The following ACTR3C variants were observed in gnomAD, a reference collection of about 807,000 sequenced individuals.
The protein encoded by ACTR3C is actin-related protein 3C.
A neutral mutation model predicts 26.3 loss-of-function variants in ACTR3C; 18 were observed. That is an observed-to-expected ratio of 0.68 (90% CI 0.47 to 1.01). ACTR3C has a LOEUF of 1.01. Among genes scored for constraint, ACTR3C ranks in the 50% least tolerant of loss-of-function variants. ACTR3C has a pLI of 0.00. For missense variants in ACTR3C, 184 were observed against 250.7 expected (o/e 0.73, Z 1.80); for synonymous variants, 55 against 94.5 (o/e 0.58, Z 2.42).
chr7:149,899,851 A>AC, the ACTR3C span, among the ~76,000 whole-genome samples: 30 of 148,040 alleles, frequency 2.0e-4, no homozygotes, highest in East Asian at 3.0e-3. Flanking sequence ...ACAAAACAAA[A>AC]AAAATCCATT....
the ACTR3C span, among the ~76,000 whole-genome samples, chr7:149,906,810 T>C: frequency 0.022 from 1,702 of 78,560 alleles, 85 homozygotes; most frequent in African/African-American, 0.088. Flanking sequence ...CTTCCAATAT[T>C]GAATGTCTAA....
At chr7:150,192,668 G>A in the ACTR3C span, among the ~76,000 whole-genome samples, 1 of 152,112 alleles carries the variant, frequency 6.6e-6, no homozygotes, top group South Asian at 2.1e-4. Context: ...TTTCCTTTTT[G>A]GAAGAATATT....
At chr7:150,311,095 C>T (rs957729888) in intron 1 of ACTR3C, among the ~76,000 whole-genome samples, 3 of 152,340 alleles carry the variant, frequency 2.0e-5, no homozygotes, top group Admixed American at 6.5e-5. Context: ...GTCATTCTAA[C>T]CAAACTGCTT....
chr7:150,196,789 G>A, the ACTR3C span, among the ~76,000 whole-genome samples: 33 of 152,118 alleles, frequency 2.2e-4, no homozygotes, highest in Non-Finnish European at 3.5e-4. Flanking sequence ...TATGTTGAGT[G>A]TACCACTGGC....
At chr7:150,265,845 A>T (rs371121841) in intron 6 of ACTR3C, among the ~76,000 whole-genome samples, 1 of 152,084 alleles carries the variant, frequency 6.6e-6, no homozygotes, top group Non-Finnish European at 1.5e-5. Flanking sequence ...ACGCACACAC[A>T]TCTAGGAGCG....
the ACTR3C span, among the ~76,000 whole-genome samples, chr7:150,157,897 G>T: frequency 3.2e-3 from 481 of 152,198 alleles, 2 homozygotes; most frequent in South Asian, 6.9e-3. Context: ...CTGAGCAAAG[G>T]CTAACACGTG....
At chr7:150,159,719 C>A in the ACTR3C span, among the ~76,000 whole-genome samples, 1 of 152,198 alleles carries the variant, frequency 6.6e-6, no homozygotes, top group Non-Finnish European at 1.5e-5. Context: ...TTCTACGATG[C>A]CTTGCATTTA....
the ACTR3C span, among the ~76,000 whole-genome samples, chr7:150,039,814 G>A: frequency 6.9e-5 from 9 of 131,386 alleles, no homozygotes; most frequent in African/African-American, 2.0e-4. Context: ...TCCCTGCCTC[G>A]CGGGGGGTGC....
the ACTR3C span, among the ~76,000 whole-genome samples, chr7:149,908,926 C>T: frequency 6.6e-6 from 1 of 152,098 alleles, no homozygotes; most frequent in Non-Finnish European, 1.5e-5. Flanking sequence ...GGATTACAGG[C>T]ACGCACCACC....
intron 6 of ACTR3C, among the ~76,000 whole-genome samples, chr7:150,266,952 CTT>C (rs1834087063): frequency 6.6e-6 from 1 of 152,204 alleles, no homozygotes; most frequent in Non-Finnish European, 1.5e-5. Flanking sequence ...TTTGGAAAAA[CTT>C]AACCATACAA....
chr7:150,020,152 T>A, the ACTR3C span, among the ~76,000 whole-genome samples: 1 of 152,128 alleles, frequency 6.6e-6, no homozygotes, highest in Non-Finnish European at 1.5e-5. Flanking sequence ...AATAGGAACA[T>A]TCTTAGAAGC....
the ACTR3C span, among the ~76,000 whole-genome samples, chr7:150,025,753 G>A: frequency 2.6e-5 from 4 of 152,110 alleles, no homozygotes; most frequent in Non-Finnish European, 5.9e-5. Flanking sequence ...GGGTACAACC[G>A]GCTTATTGCC....
chr7:150,023,327 A>ATACG, the ACTR3C span, among the ~76,000 whole-genome samples: 1 of 21,536 alleles, frequency 4.6e-5, no homozygotes, highest in African/African-American at 9.9e-5. Flanking sequence ...ACATACATAC[A>ATACG]TACATACATA....
chr7:150,168,634 A>G, the ACTR3C span, among the ~76,000 whole-genome samples: 7 of 150,788 alleles, frequency 4.6e-5, no homozygotes, highest in African/African-American at 1.7e-4. Flanking sequence ...ATTATCTTCA[A>G]TAAAACCAGT....
At chr7:150,322,365 T>C (rs995438871) in intron 1 of ACTR3C, among the ~76,000 whole-genome samples, 5 of 152,324 alleles carry the variant, frequency 3.3e-5, no homozygotes, top group African/African-American at 9.6e-5. Flanking sequence ...ATAAAACAGG[T>C]TGCAGTAAAG....
At chr7:149,951,183 C>G in the ACTR3C span, among the ~76,000 whole-genome samples, 1 of 102,844 alleles carries the variant, frequency 9.7e-6, no homozygotes, top group Admixed American at 1.0e-4. Context: ...TCAGCTGCAC[C>G]GTTAGCCAAA....
intron 1 of ACTR3C, among the ~76,000 whole-genome samples, chr7:150,300,996 A>C (rs970067004): frequency 2.3e-4 from 35 of 152,144 alleles, no homozygotes; most frequent in African/African-American, 8.0e-4. Context: ...ATCGATCTGA[A>C]AAGCGGGCCT....
rs117367628 is a variant in ACTR3C at position 150,309,687 on chromosome 7, C to T, written c.-52+13782G>A. On this transcript the variant is annotated intron_variant, in intron 1 of 7. Coordinates refer to ENST00000683684, the MANE Select transcript of ACTR3C (RefSeq NM_001164458.2). ...CCACAGCCCAGGATTCTTCCTAAGCCGTGTCCCACCTGTGCGGGACCCCAC... is the reference window on the plus strand; with the variant it reads ...CCACAGCCCAGGATTCTTCCTAAGCTGTGTCCCACCTGTGCGGGACCCCAC... 6.3e-3 allele frequency among the ~76,000 whole-genome samples: 961 copies of T among 152,314 alleles called. 22 individuals carry two copies. Among genetic ancestry groups the T allele is most frequent in the Admixed American group, 0.046 (704 of 15,290 alleles).
the ACTR3C span, among the ~76,000 whole-genome samples, chr7:150,099,829 C>T: frequency 6.6e-6 from 1 of 151,420 alleles, no homozygotes; most frequent in Non-Finnish European, 1.5e-5. Context: ...CCATCAGTGC[C>T]CAGCCTGCCA....
Sources: allele counts gnomAD v4.1 joint callset (sites outside exome capture counted in the v4.1 genomes callset), GRCh38; gene constraint gnomAD v4.1.1; transcripts MANE v1.5; gene names NCBI Gene and HGNC (gene_info 2026-07-23, HGNC 2026-07-21).